RORA: variants seen among roughly 807,000 people sequenced by gnomAD.
The protein encoded by RORA is RAR related orphan receptor A.
A neutral mutation model predicts 69.5 loss-of-function variants in RORA; 7 were observed. The observed-to-expected ratio is 0.10, with a 90% confidence interval of 0.06 to 0.19. The LOEUF is 0.19. Among genes scored for constraint, RORA ranks in the 10% least tolerant of loss-of-function variants. RORA has a pLI of 1.00. For synonymous variants in RORA, 261 were observed against 240.8 expected, an observed-to-expected ratio of 1.08 and a Z score of -0.78; for missense variants, 457 against 663.0, an observed-to-expected ratio of 0.69 and a Z score of 3.41.
chr15:60,894,046 C>T (rs528908626), intron 1 of RORA, among the ~76,000 whole-genome samples: 2 of 152,248 alleles, frequency 1.3e-5, no homozygotes, highest in South Asian at 2.1e-4. Context: ...CCCATGGCCA[C>T]CCCCAGACAC....
At chr15:60,959,732 G>C (rs576007202) in intron 1 of RORA, among the ~76,000 whole-genome samples, 2 of 152,282 alleles carry the variant, frequency 1.3e-5, no homozygotes, top group South Asian at 4.2e-4. Flanking sequence ...GAAACTGGTA[G>C]GACGCATTTG....
chr15:61,168,661 T>C (rs2079558819), intron 1 of RORA, among the ~76,000 whole-genome samples: 2 of 152,294 alleles, frequency 1.3e-5, no homozygotes, highest in South Asian at 4.1e-4. Context: ...GCTATTTCTC[T>C]TGAACATCTT....
At chr15:60,815,470 A>G (rs1489896305) in intron 1 of RORA, among the ~76,000 whole-genome samples, 2 of 152,046 alleles carry the variant, frequency 1.3e-5, no homozygotes, top group Non-Finnish European at 2.9e-5. Flanking sequence ...AATTTGCTGG[A>G]CCACTGACAG....
intron 7 of RORA, 115 bp from the exon 8 acceptor site, chr15:60,502,982 A>C: frequency 1.3e-6 from 1 of 780,344 alleles, no homozygotes; most frequent in Non-Finnish European, 2.3e-6. Flanking sequence ...TGTCGTGTGC[A>C]GTTTAGCTAG....
At chr15:60,946,666 T>C (rs7166827) in intron 1 of RORA, among the ~76,000 whole-genome samples, 3,123 of 152,294 alleles carry the variant, frequency 0.021, 105 homozygotes, top group African/African-American at 0.07. Flanking sequence ...AGTGCCCAGA[T>C]TGCAGCCTCT....
chr15:60,521,169 G>A (rs920171603), intron 3 of RORA, among the ~76,000 whole-genome samples: 1 of 151,930 alleles, frequency 6.6e-6, no homozygotes, highest in Non-Finnish European at 1.5e-5. Context: ...AACTTTTGGC[G>A]ATGTCGTCCA....
At chr15:60,733,875 T>C (rs1256393690) in intron 1 of RORA, among the ~76,000 whole-genome samples, 6 of 146,448 alleles carry the variant, frequency 4.1e-5, no homozygotes, top group African/African-American at 1.1e-4. Flanking sequence ...CTTATGTGTA[T>C]CCAACTATCT....
At chr15:60,815,455 A>G (rs2072796190) in intron 1 of RORA, among the ~76,000 whole-genome samples, 1 of 152,090 alleles carries the variant, frequency 6.6e-6, no homozygotes, top group Non-Finnish European at 1.5e-5. Flanking sequence ...ACCTCTTTCA[A>G]TCTCAATTTG....
chr15:60,972,010 C>T (rs117957921), intron 1 of RORA, among the ~76,000 whole-genome samples: 1,872 of 152,280 alleles, frequency 0.012, 19 homozygotes, highest in Non-Finnish European at 0.017. Context: ...TGGGGTCATG[C>T]CTCCCGAATT....
intron 1 of RORA, among the ~76,000 whole-genome samples, chr15:61,127,744 G>A (rs2140835075): frequency 6.6e-6 from 1 of 152,168 alleles, no homozygotes; most frequent in Non-Finnish European, 1.5e-5. Context: ...TTCAATAGTT[G>A]TCCTTGAGCT....
intron 1 of RORA, among the ~76,000 whole-genome samples, chr15:60,739,026 T>G (rs921945995): frequency 3.3e-5 from 5 of 152,190 alleles, no homozygotes; most frequent in African/African-American, 1.2e-4. Context: ...CATTTTAACT[T>G]AACTAATTGC....
intron 2 of RORA, among the ~76,000 whole-genome samples, chr15:60,612,460 G>A (rs1307187451): frequency 6.6e-6 from 1 of 152,170 alleles, no homozygotes; most frequent in Non-Finnish European, 1.5e-5. Flanking sequence ...CCTGAGGTTA[G>A]AGTCATAATT....
chr15:61,224,787 C>T (rs1358804014), intron 1 of RORA, among the ~76,000 whole-genome samples: 2 of 152,200 alleles, frequency 1.3e-5, no homozygotes, highest in Admixed American at 6.5e-5. Context: ...AACATTCTCA[C>T]GCCTCCCTGT....
At chr15:60,551,993 G>C (rs948104235) in intron 2 of RORA, among the ~76,000 whole-genome samples, 1 of 152,226 alleles carries the variant, frequency 6.6e-6, no homozygotes, top group African/African-American at 2.4e-5. Context: ...GTAGGTGGTT[G>C]AACTTCGGTA....
chr15:60,896,201 T>A (rs756378819), intron 1 of RORA, among the ~76,000 whole-genome samples: 4 of 152,228 alleles, frequency 2.6e-5, no homozygotes, highest in Non-Finnish European at 4.4e-5. Context: ...GAGGGTGACC[T>A]GGCAAGGCCA....
At chr15:60,772,590 C>T (rs963270025) in intron 1 of RORA, among the ~76,000 whole-genome samples, 1 of 152,092 alleles carries the variant, frequency 6.6e-6, no homozygotes, top group Non-Finnish European at 1.5e-5. Flanking sequence ...TCTCATGCAC[C>T]AGGGCTTTCA....
At chr15:61,063,513 A>T (rs972704546) in intron 1 of RORA, among the ~76,000 whole-genome samples, 18 of 152,222 alleles carry the variant, frequency 1.2e-4, no homozygotes, top group African/African-American at 4.3e-4. Flanking sequence ...ATTTTTGTAC[A>T]TTAGTATGAT....
intron 1 of RORA, among the ~76,000 whole-genome samples, chr15:60,704,009 T>C (rs1049906775): frequency 6.6e-6 from 1 of 152,244 alleles, no homozygotes; most frequent in African/African-American, 2.4e-5. Flanking sequence ...AGTATTGTTT[T>C]ACTTTTATGA....
chr15:61,012,669 A>C (rs1895126690), intron 1 of RORA, among the ~76,000 whole-genome samples: 1 of 145,768 alleles, frequency 6.9e-6, no homozygotes, highest in South Asian at 2.2e-4. Flanking sequence ...TTTTTTTTTG[A>C]GACAAGGTCT....
Sources: allele counts gnomAD v4.1 joint callset (sites outside exome capture counted in the v4.1 genomes callset), GRCh38; gene constraint gnomAD v4.1.1; transcripts MANE v1.5; gene names NCBI Gene and HGNC (gene_info 2026-07-23, HGNC 2026-07-21).